CHODL: variants seen among roughly 807,000 people sequenced by gnomAD.
CHODL encodes the protein chondrolectin.
Under a neutral mutation model 34.5 loss-of-function variants are expected in CHODL, and 29 were observed. The ratio of observed to expected loss-of-function variants is 0.84; its 90% CI spans 0.63 to 1.15. CHODL has a LOEUF of 1.15. Ranked by LOEUF, CHODL falls within the 50% of genes most tolerant of loss-of-function variation. The pLI is 0.00. For missense variants in CHODL, 332 were observed against 332.5 expected (o/e 1.00, Z 0.01); for synonymous variants, 125 against 116.1 (o/e 1.08, Z -0.49).
chr21:18,156,420 A>G (rs886321007), intron 2 of CHODL, among the ~76,000 whole-genome samples: 3 of 152,252 alleles, frequency 2.0e-5, no homozygotes, highest in Non-Finnish European at 2.9e-5. Flanking sequence ...GAATACAAAC[A>G]TATATACACA....
At chr21:18,003,393 TATTTTATTA>T (rs1394129541) in intron 1 of CHODL, among the ~76,000 whole-genome samples, 1 of 149,124 alleles carries the variant, frequency 6.7e-6, no homozygotes, top group Non-Finnish European at 1.5e-5. Flanking sequence ...TACATTATTT[TATTTTATTA>T]ATTATAAAAA....
chr21:18,237,598 T>C (rs1414552680), intron 2 of CHODL, among the ~76,000 whole-genome samples: 1 of 152,124 alleles, frequency 6.6e-6, no homozygotes, highest in Admixed American at 6.6e-5. Flanking sequence ...TACATCCCTC[T>C]TCTCTCCGAC....
chr21:18,042,957 A>G (rs2064394260), intron 2 of CHODL, among the ~76,000 whole-genome samples: 1 of 151,974 alleles, frequency 6.6e-6, no homozygotes, highest in Non-Finnish European at 1.5e-5. Flanking sequence ...CAAAATGACA[A>G]TATTGAACTA....
chr21:18,217,776 T>C (rs1279856793), intron 2 of CHODL, among the ~76,000 whole-genome samples: 1 of 152,162 alleles, frequency 6.6e-6, no homozygotes, highest in Non-Finnish European at 1.5e-5. Context: ...AGTTACTTCC[T>C]AGATACAATG....
upstream of CHODL, among the ~76,000 whole-genome samples, chr21:18,244,304 C>T (rs149089460): frequency 1.4e-4 from 21 of 152,290 alleles, no homozygotes; most frequent in East Asian, 3.3e-3. Context: ...ATATTCCTTT[C>T]AATTTGCTCT....
At chr21:17,974,762 A>G (rs2063647318) in intron 1 of CHODL, among the ~76,000 whole-genome samples, 2 of 151,810 alleles carry the variant, frequency 1.3e-5, no homozygotes, top group Non-Finnish European at 2.9e-5. Context: ...ATCAAAGAGG[A>G]TAATTCTTTG....
At chr21:18,169,942 A>T (rs1568920915) in intron 2 of CHODL, among the ~76,000 whole-genome samples, 1 of 151,998 alleles carries the variant, frequency 6.6e-6, no homozygotes, top group Admixed American at 6.5e-5. Context: ...ATCTCTAGCT[A>T]TTAAATCCAG....
chr21:18,180,654 C>T (rs2073371003), intron 2 of CHODL, among the ~76,000 whole-genome samples: 1 of 152,158 alleles, frequency 6.6e-6, no homozygotes, highest in South Asian at 2.1e-4. Flanking sequence ...CTCAAGATCC[C>T]AGTGTTCACC....
chr21:17,932,543 C>T (rs1448085430), intron 1 of CHODL, among the ~76,000 whole-genome samples: 2 of 152,124 alleles, frequency 1.3e-5, no homozygotes, highest in Admixed American at 6.5e-5. Context: ...ATAGCAAAGT[C>T]GTGAAATCAG....
chr21:18,246,941 A>G (rs1375873903), intron 1 of CHODL, among the ~76,000 whole-genome samples: 1 of 152,198 alleles, frequency 6.6e-6, no homozygotes, highest in Non-Finnish European at 1.5e-5. Flanking sequence ...TTAACTGAAC[A>G]TGATCTATTT....
intron 2 of CHODL, among the ~76,000 whole-genome samples, chr21:18,045,521 G>A (rs2064431326): frequency 6.6e-6 from 1 of 151,832 alleles, no homozygotes; most frequent in African/African-American, 2.4e-5. Flanking sequence ...GCTAGGAAGA[G>A]GCAAGGAAGA....
chr21:18,107,877 A>G (rs2065292996), intron 2 of CHODL, among the ~76,000 whole-genome samples: 1 of 152,244 alleles, frequency 6.6e-6, no homozygotes, highest in African/African-American at 2.4e-5. Context: ...TTCCCACATG[A>G]CATCTCATCA....
At chr21:18,143,030 G>A (rs2072821385) in intron 2 of CHODL, among the ~76,000 whole-genome samples, 1 of 152,160 alleles carries the variant, frequency 6.6e-6, no homozygotes, top group African/African-American at 2.4e-5. Context: ...AGAGTATTCA[G>A]TAATTTTTAT....
rs978127251 is a variant in CHODL, at chr21:18,245,697, A to T, written c.79+395A>T. On this transcript the variant is annotated intron_variant, in intron 1 of 5. Transcript: ENST00000299295. ...ACAGAAGAGCCACCGCAGAAATGCCACCCTCTGTCGCTCTGACTGGACTTT... is the reference window on the plus strand; with the variant it reads ...ACAGAAGAGCCACCGCAGAAATGCCTCCCTCTGTCGCTCTGACTGGACTTT... Among the ~76,000 whole-genome samples the T allele has an allele frequency of 2.6e-5, 4 of 152,156 alleles. 1 individual carries two copies. Among genetic ancestry groups the T allele is most frequent in the African/African-American group, 9.6e-5 (4 of 41,518 alleles).
Position 17,925,262 on chromosome 21 carries a change from C to A in CHODL, c.-145+7862C>A, listed in dbSNP as rs573536326. On this transcript the variant is annotated intron_variant, in intron 1 of 6. Transcript: ENST00000400127. Reference sequence around the variant, plus strand: ...ATCCAAAATTGTGACCAGTCCATAACATGAAAGTTGACTCTCAGTTTTCAC... The same window carrying A: ...ATCCAAAATTGTGACCAGTCCATAAAATGAAAGTTGACTCTCAGTTTTCAC... Among the ~76,000 whole-genome samples, 86 of 152,312 alleles carry A rather than the reference C, an allele frequency of 5.6e-4. No individual in the cohort carries two copies. In the South Asian group the frequency reaches 9.7e-3, roughly 17 times the overall value.
intron 2 of CHODL, among the ~76,000 whole-genome samples, chr21:18,089,520 T>C (rs2065046585): frequency 6.6e-6 from 1 of 152,214 alleles, no homozygotes; most frequent in Admixed American, 6.5e-5. Flanking sequence ...TGTCACAGCA[T>C]GTGAAATATG....
chr21:18,143,269 T>C (rs1382900993), intron 2 of CHODL, among the ~76,000 whole-genome samples: 1 of 152,214 alleles, frequency 6.6e-6, no homozygotes, highest in Non-Finnish European at 1.5e-5. Flanking sequence ...ACTATAACCA[T>C]GTATATACAC....
At chr21:18,118,468 T>G (rs2065439459) in intron 2 of CHODL, among the ~76,000 whole-genome samples, 1 of 152,188 alleles carries the variant, frequency 6.6e-6, no homozygotes, top group Admixed American at 6.5e-5. Context: ...CCTCTGTATA[T>G]TGTCTGAATT....
At chr21:17,944,870 A>G (rs1169332451) in intron 1 of CHODL, among the ~76,000 whole-genome samples, 2 of 152,236 alleles carry the variant, frequency 1.3e-5, no homozygotes, top group African/African-American at 4.8e-5. Flanking sequence ...ACAGACAACA[A>G]CATAAGGGAA....
Sources: allele counts gnomAD v4.1 joint callset (sites outside exome capture counted in the v4.1 genomes callset), GRCh38; gene constraint gnomAD v4.1.1; transcripts MANE v1.5; gene names NCBI Gene and HGNC (gene_info 2026-07-23, HGNC 2026-07-21).